CLEC7A: variants seen among roughly 807,000 people sequenced by gnomAD.
The protein encoded by CLEC7A is C-type lectin domain family 7 member A.
Under a neutral mutation model 26.9 loss-of-function variants are expected in CLEC7A, and 25 were observed. The ratio of observed to expected loss-of-function variants is 0.93; its 90% CI spans 0.68 to 1.30. CLEC7A has a LOEUF of 1.30. Among genes scored for constraint, CLEC7A ranks in the 50% most tolerant of loss-of-function variants. The pLI is 0.00. For synonymous variants in CLEC7A, 100 were observed against 99.5 expected (o/e 1.01, Z -0.03); for missense variants, 275 against 286.7 (o/e 0.96, Z 0.29).
At chr12:10,128,536 A>G (rs1160411833) in intron 1 of CLEC7A, among the ~76,000 whole-genome samples, 1 of 152,154 alleles carries the variant, frequency 6.6e-6, no homozygotes, top group Non-Finnish European at 1.5e-5. Flanking sequence ...TACTAAGGGT[A>G]ATTTTCCCTT....
rs1947960099 is a variant in CLEC7A at position 10,117,936 on chromosome 12, T to G, written c.*522A>C. On this transcript the variant is annotated 3_prime_UTR_variant, in exon 6 of 6. Coordinates refer to ENST00000304084, the MANE Select transcript of CLEC7A (RefSeq NM_197947.3). ...CAAGCTTGGGGCCAGGTGTGGTGGCTCACATCTGTAATCCCAGCACTTTGG... is the reference window on the plus strand; with the variant it reads ...CAAGCTTGGGGCCAGGTGTGGTGGCGCACATCTGTAATCCCAGCACTTTGG... 6.5e-6 allele frequency: 1 copy of G among 152,870 alleles called. No individual in the cohort carries two copies. Among genetic ancestry groups the G allele is most frequent in the African/African-American group, 2.4e-5 (1 of 41,414 alleles). The allele number at this position is 152,870 out of a possible 1,614,324, so 9.5% of individuals were successfully genotyped here.
chr12:10,118,649 T>C lies in CLEC7A; in HGVS notation c.612-59A>G, dbSNP rs1033550718. 7 of 1,425,030 alleles carry C rather than the reference T, an allele frequency of 4.9e-6. No homozygotes were observed. The African/African-American group carries it at 1.0e-4, about 20-fold the overall frequency. 88.3% of individuals were successfully genotyped at this position (1,425,030 alleles called of 1,614,324 possible). ...CAAATGTTAAGGAATACTGTCTACA[T>C]GGCGCACAAATAAATTAGTAAGGAT... On this transcript the variant is annotated intron_variant, in intron 5 of 5. Coordinates refer to ENST00000304084, the MANE Select transcript of CLEC7A (RefSeq NM_197947.3).
chr12:10,117,750 C>G lies in CLEC7A; in HGVS notation c.*708G>C, dbSNP rs1277277891. 1.3e-5 allele frequency: 2 copies of G among 152,090 alleles called. No individual in the cohort carries two copies. The highest frequency in any genetic ancestry group is 3.8e-4 in the East Asian group (2 of 5,196). The allele number at this position is 152,090 out of a possible 1,614,324, so 9.4% of individuals were successfully genotyped here. A position where few individuals can be genotyped will look rare whatever the true frequency, so the allele number is the denominator to read the frequency against. On this transcript the variant is annotated 3_prime_UTR_variant, in exon 6 of 6. Transcript: ENST00000304084. ...TCAGAAATATATTTCACCCTCAGTT[C>G]ATAACTGATATACTGCTAGAAGTTG...
chr12:10,119,961 AAGT>A (rs1948027076), intron 5 of CLEC7A, among the ~76,000 whole-genome samples: 1 of 152,166 alleles, frequency 6.6e-6, no homozygotes, highest in East Asian at 1.9e-4. Flanking sequence ...TTGGAAGAAA[AAGT>A]AGAAGTATAC....
rs373360620 is a variant in CLEC7A at position 10,127,762 on chromosome 12, C to T, written c.187G>A (p.Val63Ile). 6.3e-7 allele frequency: 1 copy of T among 1,589,214 alleles called. No individual in the cohort carries two copies. The highest frequency in any genetic ancestry group is 8.6e-7 in the Non-Finnish European group (1 of 1,166,068). Reference protein sequence around the residue: ...LCLVILVIAVVLGTMAIWRSN... With the variant: ...LCLVILVIAVILGTMAIWRSN... The stretch of plus-strand genomic sequence containing the variant: ...AAATACTCACCCATGGTACCCAGGA[C>T]CACAGCTATCACCAGTATTACCAAG... Residue 63 changes from valine to isoleucine, a missense_variant, in exon 2 of 6, where the codon GTC becomes ATC. Val to Ile is a conservative substitution (Grantham distance 29, BLOSUM62 3). Transcript: ENST00000304084.
At chr12:10,120,090 G>GA (rs1468948916) in intron 5 of CLEC7A, among the ~76,000 whole-genome samples, 1 of 148,054 alleles carries the variant, frequency 6.8e-6, no homozygotes, top group South Asian at 2.1e-4. Context: ...CCACAGATGA[G>GA]AAAAAATAGA....
chr12:10,126,172 C>A (rs538671803), intron 3 of CLEC7A: 1 of 984,390 alleles, frequency 1.0e-6, no homozygotes, highest in Non-Finnish European at 1.2e-6. Flanking sequence ...TCCTTTCTCC[C>A]TGTCATTCTT....
intron 5 of CLEC7A, among the ~76,000 whole-genome samples, chr12:10,119,526 G>A (rs1485991771): frequency 6.6e-6 from 1 of 152,134 alleles, no homozygotes; most frequent in East Asian, 1.9e-4. Context: ...ATTATAGAAA[G>A]AGTCCTCTAG....
intron 3 of CLEC7A, chr12:10,126,046 A>T (rs1385269989): frequency 2.9e-5 from 9 of 310,364 alleles, no homozygotes; most frequent in Non-Finnish European, 4.2e-5. Context: ...AATTAAGTAA[A>T]TGAAATTGTA....
intron 4 of CLEC7A, among the ~76,000 whole-genome samples, chr12:10,124,460 G>C (rs978331576): frequency 6.6e-6 from 1 of 152,068 alleles, no homozygotes; most frequent in African/African-American, 2.4e-5. Context: ...TTAGGAACAC[G>C]GGGATCTCTT....
intron 5 of CLEC7A, among the ~76,000 whole-genome samples, chr12:10,122,381 A>G (rs758213424): frequency 6.6e-6 from 1 of 152,202 alleles, no homozygotes; most frequent in African/African-American, 2.4e-5. Context: ...TTTTAACTTA[A>G]TAATAAGTCT....
In CLEC7A at chr12:10,127,812, A is replaced by G; in HGVS notation, c.137T>C (p.Ile46Thr). 2 of 1,573,618 alleles carry G rather than the reference A, an allele frequency of 1.3e-6. No homozygotes were observed. Among genetic ancestry groups the G allele is most frequent in the African/African-American group, 2.7e-5 (2 of 74,256 alleles). The change falls in exon 2 of 6, where the codon ATT becomes ACT. Residue 46 changes from isoleucine (I) to threonine (T), a missense_variant. Physicochemically the swap from Ile to Thr is moderately conservative, Grantham distance 89 (BLOSUM62 -1). Transcript: ENST00000304084. ...SCAASPPWRL[I>T]AVILGILCLV... Reference sequence around the variant, plus strand: ...GCATAGGATTCCCAAAATTACAGCAATGAGGCGCCAAGGAGGAGATGCAGC... The same window carrying G: ...GCATAGGATTCCCAAAATTACAGCAGTGAGGCGCCAAGGAGGAGATGCAGC...
Position 10,117,380 on chromosome 12 carries a change from A to G in CLEC7A, c.*1078T>C, listed in dbSNP as rs2137399744. 6.6e-6 allele frequency: 1 copy of G among 152,168 alleles called. No individual in the cohort carries two copies. The highest frequency in any genetic ancestry group is 6.5e-5 in the Admixed American group (1 of 15,286). The allele number at this position is 152,168 out of a possible 1,614,324, so 9.4% of individuals were successfully genotyped here. The stretch of plus-strand genomic sequence containing the variant: ...CCTGTCTCTACTAAAAAAATACAAA[A>G]TTAGCCGGGTGTGGTGGTGCCTGAC... On this transcript the variant is annotated 3_prime_UTR_variant, in exon 6 of 6. Coordinates refer to ENST00000304084, the MANE Select transcript of CLEC7A (RefSeq NM_197947.3).
intron 2 of CLEC7A, chr12:10,127,524 C>T: frequency 7.5e-7 from 1 of 1,324,668 alleles, no homozygotes; most frequent in Non-Finnish European, 1.1e-6. Flanking sequence ...ATCATGGTCC[C>T]ACCACTAACT....
intron 4 of CLEC7A, among the ~76,000 whole-genome samples, chr12:10,123,647 G>A (rs984993471): frequency 7.1e-6 from 1 of 140,788 alleles, no homozygotes; most frequent in Admixed American, 6.8e-5. Flanking sequence ...TGTGGTCCCA[G>A]CTACTCGGGA....
rs747635787 is a variant in CLEC7A at position 10,126,559 on chromosome 12, C to T, written c.340+12G>A. 6.3e-7 allele frequency: 1 copy of T among 1,599,784 alleles called. No individual in the cohort carries two copies. The highest frequency in any genetic ancestry group is 1.7e-5 in the Admixed American group (1 of 57,354). On this transcript the variant is annotated intron_variant, in intron 3 of 5. Coordinates refer to ENST00000304084, the MANE Select transcript of CLEC7A (RefSeq NM_197947.3). ...CTTGAGTCAAGATTCCGTCCTTTAA[C>T]TATGCCCTTGCCTGTGGTTTTGACA...
chr12:10,126,113 G>A, intron 3 of CLEC7A: 1 of 902,340 alleles, frequency 1.1e-6, no homozygotes, highest in Non-Finnish European at 1.3e-6. Flanking sequence ...TACCTCTTTT[G>A]TATATTTTTA....
chr12:10,125,978 TAA>T (rs1412583622), intron 3 of CLEC7A, among the ~76,000 whole-genome samples: 1 of 152,190 alleles, frequency 6.6e-6, no homozygotes, highest in African/African-American at 2.4e-5. Context: ...CTGAAAACAT[TAA>T]GTCATAGTCA....
intron 5 of CLEC7A, among the ~76,000 whole-genome samples, chr12:10,119,634 C>T (rs1292616056): frequency 6.6e-6 from 1 of 152,072 alleles, no homozygotes; most frequent in Non-Finnish European, 1.5e-5. Context: ...TGTACTTAGC[C>T]TAGTAGAAGT....
Sources: allele counts gnomAD v4.1 joint callset (sites outside exome capture counted in the v4.1 genomes callset), GRCh38; gene constraint gnomAD v4.1.1; transcripts MANE v1.5; gene names NCBI Gene and HGNC (gene_info 2026-07-23, HGNC 2026-07-21).